SLC25A25: variants seen among roughly 807,000 people sequenced by gnomAD.
SLC25A25 encodes the protein mitochondrial adenyl nucleotide antiporter SLC25A25.
Under a neutral mutation model 57.7 loss-of-function variants are expected in SLC25A25, and 32 were observed. The ratio of observed to expected loss-of-function variants is 0.55; its 90% CI spans 0.42 to 0.74. The LOEUF (loss-of-function observed/expected upper bound fraction) is 0.74. Among genes scored for constraint, SLC25A25 ranks in the 30% least tolerant of loss-of-function variants. SLC25A25 has a pLI of 0.00. For synonymous variants in SLC25A25, 306 were observed against 291.2 expected, an observed-to-expected ratio of 1.05 and a Z score of -0.52; for missense variants, 556 against 701.3, an observed-to-expected ratio of 0.79 and a Z score of 2.34.
In SLC25A25 at chr9:128,103,666, C is replaced by T; in HGVS notation, c.625-15C>T. 3 of 1,614,152 alleles carry T rather than the reference C, an allele frequency of 1.9e-6. No individual in the cohort carries two copies. Among genetic ancestry groups the T allele is most frequent in the Non-Finnish European group, 2.5e-6 (3 of 1,180,010 alleles). The stretch of plus-strand genomic sequence containing the variant: ...CAAGGGTCCTGAGTCAGGCTTGTGC[C>T]ATCTTTCCTCACAGATCTTTGATGT... On this transcript the variant is annotated splice_polypyrimidine_tract_variant and intron_variant, in intron 5 of 10. Coordinates refer to ENST00000373069, the MANE Select transcript of SLC25A25 (RefSeq NM_001330988.2). The surrounding 1 kb of genome is among the most constrained non-coding windows in gnomAD (Gnocchi z 6.7).
chr9:128,107,082 C>T lies in SLC25A25; in HGVS notation c.1266C>T (p.Gly422=), dbSNP rs909412400. 1.2e-6 allele frequency: 2 copies of T among 1,614,162 alleles called. No individual in the cohort carries two copies. The highest frequency in any genetic ancestry group is 8.5e-7 in the Non-Finnish European group (1 of 1,180,040). Residue 422 remains glycine, a synonymous_variant, in exon 10 of 11, where the codon GGC becomes GGT. Transcript: ENST00000373069. ...ATGCAGTGAACAGCGCGGACCCCGG[C>T]GTGTTTGTGCTCCTGGCCTGTGGCA... ...QHYAVNSADP[G]VFVLLACGTM...
chr9:128,094,258 G>C (rs980816099), intron 1 of SLC25A25: 1 of 152,206 alleles, frequency 6.6e-6, no homozygotes, highest in Non-Finnish European at 1.5e-5. Context: ...AGTGAGTCAG[G>C]TTCCTGCAAG....
At chr9:128,069,504 G>C (rs1462831458) in intron 1 of SLC25A25, among the ~76,000 whole-genome samples, 1 of 152,128 alleles carries the variant, frequency 6.6e-6, no homozygotes, top group Admixed American at 6.6e-5. Flanking sequence ...TGCTGAGTTA[G>C]TTTGGTCCAT....
At chr9:128,068,704 GACTC>G in intron 1 of SLC25A25, 124 bp downstream of exon 1, 4 of 1,089,234 alleles carry the variant, frequency 3.7e-6, no homozygotes, top group Non-Finnish European at 4.8e-6. Flanking sequence ...GGTGCCCCCT[GACTC>G]ACTGAGGGAC....
intron 1 of SLC25A25, among the ~76,000 whole-genome samples, chr9:128,082,142 A>C (rs1713157494): frequency 6.6e-6 from 1 of 152,206 alleles, no homozygotes; most frequent in Admixed American, 6.5e-5. Flanking sequence ...AGCCATCCAC[A>C]AGACTGAGGG....
chr9:128,092,095 G>T (rs542198698), intron 1 of SLC25A25: 1 of 1,612,284 alleles, frequency 6.2e-7, no homozygotes, highest in Non-Finnish European at 8.5e-7. Flanking sequence ...CTAAGGTAAT[G>T]TTGGCCTCAA....
At chr9:128,104,842 T>C (rs907970559) in intron 6 of SLC25A25, among the ~76,000 whole-genome samples, 2 of 105,138 alleles carry the variant, frequency 1.9e-5, no homozygotes, top group Middle Eastern at 5.2e-3. Context: ...ATTATTATTA[T>C]TATTATTATT....
chr9:128,101,100 T>C lies in SLC25A25; in HGVS notation c.266T>C (p.Ile89Thr). The C allele has an allele frequency of 6.2e-7, 1 of 1,614,066 alleles. No homozygotes were observed. The highest frequency in any genetic ancestry group is 8.5e-7 in the Non-Finnish European group (1 of 1,179,998). Residue 89 changes from isoleucine (I) to threonine (T), a missense_variant, in exon 2 of 11, where the codon ATT (isoleucine) becomes ACT (threonine). Physicochemically the swap from Ile to Thr is moderately conservative, Grantham distance 89. Coordinates refer to ENST00000373069, the MANE Select transcript of SLC25A25 (RefSeq NM_001330988.2). This position sits in a 1 kb window ranked among gnomAD's most constrained non-coding sequence, Gnocchi z 4.9. ...AATGTTACCTTTCTTTTCTAGAAAA[T>C]TGTACAAGCTGGAGATAAGGACCTT... ...LHRTEGELQK[I>T]VQAGDKDLDG...
chr9:128,081,487 A>C (rs1833154972), intron 1 of SLC25A25, among the ~76,000 whole-genome samples: 1 of 152,164 alleles, frequency 6.6e-6, no homozygotes, highest in African/African-American at 2.4e-5. Flanking sequence ...CCCACTGGCC[A>C]GTGTTGGGTT....
At chr9:128,100,926 T>G in intron 1 of SLC25A25, 170 bp from the exon 2 acceptor site, 1 of 850,484 alleles carries the variant, frequency 1.2e-6, no homozygotes, top group East Asian at 2.7e-5. Context: ...GGCTCTGGCA[T>G]GTAAGTCGAT....
rs1315501906 is a variant in SLC25A25 at position 128,083,513 on chromosome 9, C to CTTTTTTTTTTTTTTTTTTTTT, written c.261+14947_261+14948insTTTTTTTTTTTTTTTTTTTTT. ...AATATTTCTTTTTTTTTTCTTTTTT[C>CTTTTTTTTTTTTTTTTTTTTT]TTTTTTTTTTTTTTGAGATGAAGTC... is the stretch of plus-strand genomic sequence containing the variant. On this transcript the variant is annotated intron_variant, in intron 1 of 10. Transcript: ENST00000373069. Among the ~76,000 whole-genome samples the CTTTTTTTTTTTTTTTTTTTTT allele has an allele frequency of 5.4e-4, 63 of 117,448 alleles. 1 individual carries two copies. Among genetic ancestry groups the CTTTTTTTTTTTTTTTTTTTTT allele is most frequent in the Non-Finnish European group, 8.6e-4 (52 of 60,608 alleles). 77.1% of individuals were successfully genotyped at this position (117,448 alleles called of 152,430 possible). A position where few individuals can be genotyped will look rare whatever the true frequency, so the allele number is the denominator to read the frequency against.
intron 1 of SLC25A25, chr9:128,098,417 T>C: frequency 7.2e-7 from 1 of 1,379,470 alleles, no homozygotes; most frequent in Admixed American, 3.2e-5. Flanking sequence ...GAGGGCTTTT[T>C]TCTTTTTTCA....
At chr9:128,097,065 A>G (rs951619779) in intron 1 of SLC25A25, among the ~76,000 whole-genome samples, 6 of 152,264 alleles carry the variant, frequency 3.9e-5, no homozygotes, top group Admixed American at 3.9e-4. Context: ...AGTTAACAAC[A>G]AGCGTTTTAG....
In SLC25A25 at chr9:128,091,561, T is replaced by TAAAAAA. The variant is rs59794334; in HGVS notation, c.262-9532_262-9527dup. The TAAAAAA allele has an allele frequency of 5.4e-4, 515 of 958,794 alleles. 2 individuals carry two copies. In the African/African-American group the frequency reaches 8.5e-3, roughly 16 times the overall value. 59.4% of individuals were successfully genotyped at this position (958,794 alleles called of 1,614,324 possible). The stretch of plus-strand genomic sequence containing the variant: ...TTTTCCTTTTCTTTTTTTTTTTTTT[T>TAAAAAA]AAAAAAAAGCCAAACGTTTGCTCAC... On this transcript the variant is annotated intron_variant, in intron 1 of 10. Transcript: ENST00000373069.
chr9:128,106,271 T>G lies in SLC25A25; in HGVS notation c.1044+14T>G. 6 of 1,613,748 alleles carry G rather than the reference T, an allele frequency of 3.7e-6. No individual in the cohort carries two copies. Among genetic ancestry groups the G allele is most frequent in the Non-Finnish European group, 5.1e-6 (6 of 1,180,008 alleles). On this transcript the variant is annotated intron_variant, in intron 8 of 10. Transcript: ENST00000373069. ...TACCCAATGGAGGTGAGGGGCCGCC[T>G]GGGTCCTGGGGCGGGCAGTGGGCAC...
At chr9:128,097,040 A>G (rs972151622) in intron 1 of SLC25A25, among the ~76,000 whole-genome samples, 3 of 152,264 alleles carry the variant, frequency 2.0e-5, no homozygotes, top group African/African-American at 4.8e-5. Flanking sequence ...AACATCTTGT[A>G]ACACCCTCTT....
At chr9:128,072,857 T>C (rs1832936651) in intron 1 of SLC25A25, among the ~76,000 whole-genome samples, 1 of 152,178 alleles carries the variant, frequency 6.6e-6, no homozygotes, top group East Asian at 1.9e-4. Context: ...ATTTAAAACA[T>C]AGGTTAGAAC....
At chr9:128,105,158 C>A (rs1352879997) in intron 6 of SLC25A25, among the ~76,000 whole-genome samples, 3 of 29,134 alleles carry the variant, frequency 1.0e-4, no homozygotes, top group Admixed American at 5.8e-4. Flanking sequence ...CACTCCCGGC[C>A]TTTTTTTTTT....
intron 1 of SLC25A25, among the ~76,000 whole-genome samples, chr9:128,069,943 A>G (rs1395607183): frequency 6.5e-5 from 6 of 92,132 alleles, no homozygotes; most frequent in Admixed American, 1.2e-4. Flanking sequence ...TTTTTGAGAG[A>G]GTCTCACTCT....
Sources: allele counts gnomAD v4.1 joint callset (sites outside exome capture counted in the v4.1 genomes callset), GRCh38; gene constraint gnomAD v4.1.1; non-coding constraint Gnocchi (gnomAD v3.1); transcripts MANE v1.5; gene names NCBI Gene and HGNC (gene_info 2026-07-23, HGNC 2026-07-21).